The following USP42 variants were observed in gnomAD, a reference collection of about 807,000 sequenced individuals.
USP42 encodes the protein ubiquitin specific peptidase 42.
A neutral mutation model predicts 113.0 loss-of-function variants in USP42; 23 were observed. The ratio of observed to expected loss-of-function variants is 0.20; its 90% CI spans 0.15 to 0.29. The LOEUF (loss-of-function observed/expected upper bound fraction) is 0.29. USP42 is among the 10% of genes least tolerant of loss of function. USP42 has a pLI of 1.00. For synonymous variants in USP42, 933 were observed against 699.0 expected (o/e 1.33, Z -5.28); for missense variants, 2,174 against 1,779.8 (o/e 1.22, Z -3.99).
In USP42 at chr7:6,154,238, C is replaced by A; in HGVS notation, c.2684C>A (p.Ala895Asp). The change falls in exon 15 of 18, where the codon GCC (alanine) becomes GAC (aspartate). Residue 895 changes from alanine (A) to aspartate (D), a missense_variant. Physicochemically the swap from Ala to Asp is moderately radical, Grantham distance 126. Coordinates refer to ENST00000306177, the MANE Select transcript of USP42 (RefSeq NM_032172.3). The part of the protein sequence containing the change: ...DPSQSLGAPE[A>D]AERPPAPVLD... ...TCCCAGAGCTTGGGCGCACCCGAGG[C>A]CGCAGAGCGGCCGCCAGCTCCTGTG... 6.2e-7 allele frequency: 1 copy of A among 1,605,582 alleles called. No individual in the cohort carries two copies. Among genetic ancestry groups the A allele is most frequent in the South Asian group, 1.1e-5 (1 of 90,682 alleles).
At chr7:6,155,249 G>A in intron 15 of USP42, 54 bp downstream of exon 15, 1 of 1,466,206 alleles carries the variant, frequency 6.8e-7, no homozygotes. Flanking sequence ...TCAGCAGTGG[G>A]GCCTGTCCCT....
chr7:6,128,970 G>A (rs1032839198), intron 3 of USP42, among the ~76,000 whole-genome samples: 5 of 152,012 alleles, frequency 3.3e-5, no homozygotes, highest in East Asian at 1.9e-4. Context: ...ACAGCTGTGC[G>A]CGACCATGCC....
the USP42 span, among the ~76,000 whole-genome samples, chr7:6,091,491 A>G: frequency 6.6e-6 from 1 of 150,666 alleles, no homozygotes; most frequent in Non-Finnish European, 1.5e-5. Context: ...GCCTCCCCAA[A>G]TGCTCAGATA....
At chr7:6,103,877 C>T (rs1430363919), upstream of USP42, among the ~76,000 whole-genome samples, 1 of 151,106 alleles carries the variant, frequency 6.6e-6, no homozygotes, top group South Asian at 2.1e-4. Flanking sequence ...AACAGTAAGA[C>T]CTCTGTCCCT....
At chr7:6,091,081 G>T in the USP42 span, among the ~76,000 whole-genome samples, 1 of 150,772 alleles carries the variant, frequency 6.6e-6, no homozygotes, top group Non-Finnish European at 1.5e-5. Context: ...TCTTCATTAA[G>T]TCCTCCAACT....
At chr7:6,087,917 G>C in the USP42 span, among the ~76,000 whole-genome samples, 1 of 151,118 alleles carries the variant, frequency 6.6e-6, no homozygotes, top group East Asian at 1.9e-4. Flanking sequence ...CTTTGTAGTC[G>C]TGTTGCAAAC....
In USP42 at chr7:6,153,902, C is replaced by A; in HGVS notation, c.2348C>A (p.Thr783Asn). The part of the protein sequence containing the change: ...KKAPPPRDPG[T>N]PATKEGAWEA... ...GCTCCGCCGCCCCGCGATCCCGGCACCCCCGCTACCAAAGAAGGCGCCTGG... is the reference window on the plus strand; with the variant it reads ...GCTCCGCCGCCCCGCGATCCCGGCAACCCCGCTACCAAAGAAGGCGCCTGG... The change falls in exon 15 of 18, where the codon ACC becomes AAC. Residue 783 changes from threonine to asparagine, a missense_variant. Coordinates refer to ENST00000306177, the MANE Select transcript of USP42 (RefSeq NM_032172.3). 1.9e-6 allele frequency: 3 copies of A among 1,591,452 alleles called. No individual in the cohort carries two copies.
chr7:6,139,990 G>A lies in USP42; in HGVS notation c.657-138G>A, dbSNP rs559441035. ...AAGGGATGCTCTTGGGCTGCCACAC[G>A]TGCCATCCTTTTATTTTCCATGGCT... On this transcript the variant is annotated intron_variant, in intron 5 of 17. Coordinates refer to ENST00000306177, the MANE Select transcript of USP42 (RefSeq NM_032172.3). The surrounding 1 kb of genome is among the most constrained non-coding windows in gnomAD (Gnocchi z 4.5). The A allele has an allele frequency of 5.0e-5, 42 of 835,734 alleles. No individual in the cohort carries two copies. The highest frequency in any genetic ancestry group is 4.8e-4 in the African/African-American group (29 of 59,914). 51.8% of individuals were successfully genotyped at this position (835,734 alleles called of 1,614,324 possible).
the USP42 span, among the ~76,000 whole-genome samples, chr7:6,092,051 T>TTCC: frequency 1.4e-5 from 1 of 70,190 alleles, no homozygotes; most frequent in Admixed American, 1.7e-4. Context: ...CTTCTTCTTC[T>TTCC]TCTTTCTTCT....
intron 12 of USP42, 47 bp downstream of exon 12, chr7:6,147,939 T>C: frequency 5.2e-6 from 8 of 1,544,738 alleles, no homozygotes; most frequent in Non-Finnish European, 7.0e-6. Flanking sequence ...ATTTTTAAAA[T>C]GTAACTTCAA....
chr7:6,151,627 G>C (rs1264695033), intron 14 of USP42, among the ~76,000 whole-genome samples: 1 of 152,050 alleles, frequency 6.6e-6, no homozygotes, highest in African/African-American at 2.4e-5. Context: ...ATTTTTAGTA[G>C]AGACAGGGTT....
At chr7:6,137,928 C>T (rs1307374075) in intron 4 of USP42, among the ~76,000 whole-genome samples, 1 of 152,224 alleles carries the variant, frequency 6.6e-6, no homozygotes, top group Non-Finnish European at 1.5e-5. Flanking sequence ...ATCCACCCGC[C>T]TCTGCCTCCC....
chr7:6,111,482 G>T, intron 2 of USP42, 108 bp downstream of exon 2: 3 of 1,332,090 alleles, frequency 2.3e-6, no homozygotes, highest in Non-Finnish European at 3.0e-6. Context: ...GAGGCCACCT[G>T]AGTGGCCAGC....
rs1781322004 is a variant in USP42, at chr7:6,139,294, A to G, written c.656+100A>G. 6.4e-6 allele frequency: 6 copies of G among 939,348 alleles called. No homozygotes were observed. The East Asian group carries it at 1.7e-4, about 26-fold the overall frequency. 58.2% of individuals were successfully genotyped at this position (939,348 alleles called of 1,614,324 possible). Reference sequence around the variant, plus strand: ...TTCACCTTTTTTGTTGGAAGCACACAGAACAGTGTTCACTTTACCTTTTGG... The same window carrying G: ...TTCACCTTTTTTGTTGGAAGCACACGGAACAGTGTTCACTTTACCTTTTGG... On this transcript the variant is annotated intron_variant, in intron 5 of 17. Coordinates refer to ENST00000306177, the MANE Select transcript of USP42 (RefSeq NM_032172.3). This position sits in a 1 kb window ranked among gnomAD's most constrained non-coding sequence, Gnocchi z 4.5.
chr7:6,114,121 C>T (rs1294753531), intron 2 of USP42, among the ~76,000 whole-genome samples: 9 of 152,078 alleles, frequency 5.9e-5, no homozygotes, highest in Admixed American at 5.9e-4. Context: ...CAAGTGTGTA[C>T]AGTGGTACCT....
chr7:6,098,209 G>C, the USP42 span, among the ~76,000 whole-genome samples: 14 of 150,084 alleles, frequency 9.3e-5, 1 homozygote, highest in African/African-American at 3.5e-4. Context: ...AGCCCATGTA[G>C]CTTATTTCTA....
chr7:6,089,766 C>T, the USP42 span, among the ~76,000 whole-genome samples: 8 of 149,084 alleles, frequency 5.4e-5, 1 homozygote, highest in African/African-American at 1.8e-4. Flanking sequence ...CTCCTGACCT[C>T]GTGATCTGCC....
At chr7:6,107,900 C>G (rs564107888) in intron 1 of USP42, among the ~76,000 whole-genome samples, 8 of 152,260 alleles carry the variant, frequency 5.3e-5, no homozygotes, top group African/African-American at 1.7e-4. Flanking sequence ...TTGAAATTGA[C>G]AAACATCTTT....
Position 6,139,315 on chromosome 7 carries a change from T to G in USP42, c.656+121T>G. The G allele has an allele frequency of 1.3e-6, 1 of 761,576 alleles. No homozygotes were observed. Among genetic ancestry groups the G allele is most frequent in the Non-Finnish European group, 2.0e-6 (1 of 503,958 alleles). The allele number at this position is 761,576 out of a possible 1,614,324, so 47.2% of individuals were successfully genotyped here. A position where few individuals can be genotyped will look rare whatever the true frequency, so the allele number is the denominator to read the frequency against. Reference sequence around the variant, plus strand: ...ACACAGAACAGTGTTCACTTTACCTTTTGGCTTTGCTCTGCCTCTTCCTTA... The same window carrying G: ...ACACAGAACAGTGTTCACTTTACCTGTTGGCTTTGCTCTGCCTCTTCCTTA... On this transcript the variant is annotated intron_variant, in intron 5 of 17. Coordinates refer to ENST00000306177, the MANE Select transcript of USP42 (RefSeq NM_032172.3). The surrounding 1 kb of genome is among the most constrained non-coding windows in gnomAD (Gnocchi z 4.5).
Sources: gnomAD v4.1 joint callset for allele counts (sites outside exome capture counted in the v4.1 genomes callset) on GRCh38, gnomAD v4.1.1 for gene constraint, Gnocchi (gnomAD v3.1) non-coding constraint, MANE v1.5 for transcripts, NCBI Gene and HGNC (gene_info 2026-07-23, HGNC 2026-07-21) for gene names.